CDK5RAP2: variants seen among roughly 807,000 people sequenced by gnomAD.
The protein encoded by CDK5RAP2 is CDK5 regulatory subunit associated protein 2, also known as CDK5 regulatory subunit-associated protein 2.
In CDK5RAP2, 147 loss-of-function variants were observed where a neutral mutation model predicts 232.9. The observed-to-expected ratio is 0.63, with a 90% CI of 0.55 to 0.72. The LOEUF (loss-of-function observed/expected upper bound fraction) is 0.72, where lower values mean the gene tolerates loss of function less well. Among genes scored for constraint, CDK5RAP2 ranks in the 30% least tolerant of loss-of-function variants. The pLI, the probability that CDK5RAP2 is intolerant of heterozygous loss-of-function variation, is 0.00. For missense variants in CDK5RAP2, 2,195 were observed against 2,231.5 expected (o/e 0.98, Z 0.33); for synonymous variants, 833 against 833.7 (o/e 1.00, Z 0.01).
chr9:120,495,659 G>C (rs2039159881), intron 12 of CDK5RAP2, among the ~76,000 whole-genome samples: 2 of 103,268 alleles, frequency 1.9e-5, no homozygotes, highest in African/African-American at 4.3e-5. Flanking sequence ...AGGTGGGGGG[G>C]GGTCAGCCCC....
chr9:120,579,741 C>T (rs2043171685), intron 1 of CDK5RAP2, among the ~76,000 whole-genome samples, 179 bp downstream of exon 1: 1 of 152,212 alleles, frequency 6.6e-6, no homozygotes, highest in Non-Finnish European at 1.5e-5. Flanking sequence ...GGTCGCGGCT[C>T]CCAGCCCTCC....
intron 25 of CDK5RAP2, among the ~76,000 whole-genome samples, chr9:120,433,275 A>C (rs890452973): frequency 6.6e-6 from 1 of 152,182 alleles, no homozygotes; most frequent in African/African-American, 2.4e-5. Flanking sequence ...ACAAACTCTT[A>C]TTTGTTAAGT....
chr9:120,445,393 A>G (rs2036129272), intron 22 of CDK5RAP2, among the ~76,000 whole-genome samples: 1 of 152,146 alleles, frequency 6.6e-6, no homozygotes, highest in African/African-American at 2.4e-5. Flanking sequence ...TTCGGTGACA[A>G]TGTGGCTCCT....
chr9:120,438,266 C>G (rs189376533), intron 24 of CDK5RAP2, among the ~76,000 whole-genome samples: 2 of 152,216 alleles, frequency 1.3e-5, no homozygotes, highest in African/African-American at 4.8e-5. Context: ...CTCATGTAAA[C>G]TGGCCACAAT....
At chr9:120,540,331 G>C (rs574975540) in intron 5 of CDK5RAP2, among the ~76,000 whole-genome samples, 5 of 152,144 alleles carry the variant, frequency 3.3e-5, no homozygotes, top group Non-Finnish European at 7.3e-5. Context: ...AACTGCAACA[G>C]AACAAATCTA....
chr9:120,407,429 G>A lies in CDK5RAP2; in HGVS notation c.4727-181C>T, dbSNP rs2033535266. ...AAAAATATTGGCAGACTTAATTGCT[G>A]CTATTCCACACGCTAAATAAGAGCT... On this transcript the variant is annotated intron_variant, in intron 31 of 37. Transcript: ENST00000349780. 3 of 642,424 alleles carry A rather than the reference G, an allele frequency of 4.7e-6. No individual in the cohort carries two copies. In the East Asian group the frequency reaches 8.2e-5, roughly 18 times the overall value. 39.8% of individuals were successfully genotyped at this position (642,424 alleles called of 1,614,324 possible). A position where few individuals can be genotyped will look rare whatever the true frequency, so the allele number is the denominator to read the frequency against.
chr9:120,459,957 G>C (rs1202487384), intron 19 of CDK5RAP2, among the ~76,000 whole-genome samples: 1 of 152,116 alleles, frequency 6.6e-6, no homozygotes, highest in African/African-American at 2.4e-5. Context: ...CTTATTTTAT[G>C]AATTAGAGGG....
chr9:120,528,081 C>G (rs2040987026), intron 9 of CDK5RAP2, among the ~76,000 whole-genome samples, 156 bp from the exon 10 acceptor site: 1 of 152,214 alleles, frequency 6.6e-6, no homozygotes, highest in Admixed American at 6.5e-5. Flanking sequence ...ATAGTGCCAT[C>G]AGCTCCAAGT....
intron 25 of CDK5RAP2, among the ~76,000 whole-genome samples, chr9:120,429,224 C>T (rs1315700363): frequency 1.3e-5 from 2 of 150,042 alleles, no homozygotes; most frequent in Admixed American, 1.3e-4. Context: ...TCTCTCACCA[C>T]TCCTATTCAA....
intron 22 of CDK5RAP2, among the ~76,000 whole-genome samples, chr9:120,446,645 C>G (rs1445010280): frequency 6.6e-6 from 1 of 152,208 alleles, no homozygotes; most frequent in Non-Finnish European, 1.5e-5. Flanking sequence ...CCTGCCTGAT[C>G]TGCTGCCTCC....
intron 3 of CDK5RAP2, among the ~76,000 whole-genome samples, chr9:120,566,221 T>C (rs2042641755): frequency 6.6e-6 from 1 of 152,206 alleles, no homozygotes; most frequent in Non-Finnish European, 1.5e-5. Context: ...ATACAGATCA[T>C]GCATTTTGTA....
chr9:120,490,330 T>C (rs551138560), intron 13 of CDK5RAP2, among the ~76,000 whole-genome samples: 10 of 152,234 alleles, frequency 6.6e-5, no homozygotes, highest in Admixed American at 5.9e-4. Context: ...CTGCTGGGCA[T>C]GCACACTTCC....
At chr9:120,516,435 A>G (rs1444856555) in intron 12 of CDK5RAP2, among the ~76,000 whole-genome samples, 1 of 151,838 alleles carries the variant, frequency 6.6e-6, no homozygotes, top group Non-Finnish European at 1.5e-5. Context: ...GTTAATGGGT[A>G]CAGTACACCA....
chr9:120,518,737 A>T (rs1200863885), intron 11 of CDK5RAP2, 92 bp from the exon 12 acceptor site: 1 of 976,202 alleles, frequency 1.0e-6, no homozygotes, highest in Non-Finnish European at 1.6e-6. Context: ...CGTGGGGGAA[A>T]AAAAGAAAAG....
intron 25 of CDK5RAP2, among the ~76,000 whole-genome samples, chr9:120,432,989 A>T (rs554090458): frequency 1.1e-4 from 16 of 152,344 alleles, no homozygotes; most frequent in African/African-American, 3.8e-4. Context: ...GTTTTCATAA[A>T]GCTGGGAAAA....
At chr9:120,437,866 G>A (rs1343969589) in intron 24 of CDK5RAP2, among the ~76,000 whole-genome samples, 5 of 152,072 alleles carry the variant, frequency 3.3e-5, no homozygotes, top group Non-Finnish European at 7.4e-5. Context: ...AGGGTCAGAG[G>A]ATCTACCAAA....
In CDK5RAP2 at chr9:120,523,904, T is replaced by TG. The variant is rs35990966; in HGVS notation, c.1092+1081dup. ...ATCAGGAGTCCTTGTAGTACAACAT[T>TG]GGGGGACGGAGGGAGGAGAAGGCAG... On this transcript the variant is annotated intron_variant, in intron 11 of 37. Transcript: ENST00000349780. Among the ~76,000 whole-genome samples the TG allele has an allele frequency of 6.0e-3, 912 of 151,982 alleles. 12 individuals are homozygous for TG. The highest frequency in any genetic ancestry group is 0.021 in the African/African-American group (862 of 41,434).
At chr9:120,532,778 G>A (rs1564348098) in intron 7 of CDK5RAP2, among the ~76,000 whole-genome samples, 1 of 152,132 alleles carries the variant, frequency 6.6e-6, no homozygotes, top group Non-Finnish European at 1.5e-5. Context: ...GTTGGGTTTT[G>A]GTGCCTCTCC....
intron 11 of CDK5RAP2, among the ~76,000 whole-genome samples, chr9:120,521,021 G>A (rs1483994988): frequency 2.0e-5 from 3 of 151,854 alleles, no homozygotes; most frequent in African/African-American, 7.3e-5. Flanking sequence ...GATACATAAA[G>A]TGCCATTTCA....
Sources: gnomAD v4.1 joint callset for allele counts (sites outside exome capture counted in the v4.1 genomes callset) on GRCh38, gnomAD v4.1.1 for gene constraint, MANE v1.5 for transcripts, NCBI Gene and HGNC (gene_info 2026-07-23, HGNC 2026-07-21) for gene names.